PCDH9: variants seen among roughly 807,000 people sequenced by gnomAD.
PCDH9 encodes the protein protocadherin 9, also known as protocadherin-9.
In PCDH9, 24 loss-of-function variants were observed where a neutral mutation model predicts 70.6. That is an observed-to-expected ratio of 0.34 (90% CI 0.25 to 0.48). PCDH9 has a LOEUF of 0.48. Ranked by LOEUF, PCDH9 falls within the 20% of genes least tolerant of loss-of-function variation. The pLI, the probability that PCDH9 is intolerant of heterozygous loss-of-function variation, is 0.99. For synonymous variants in PCDH9, 562 were observed against 558.5 expected (o/e 1.01, Z -0.09); for missense variants, 1,281 against 1,503.6 (o/e 0.85, Z 2.45).
Position 67,228,263 on chromosome 13 carries a change from C to T in PCDH9, c.178G>A (p.Ala60Thr), listed in dbSNP as rs576031337. The T allele has an allele frequency of 1.0e-4, 165 of 1,613,552 alleles. 1 individual carries two copies. The South Asian group carries it at 1.6e-3, about 15-fold the overall frequency. Reference protein sequence around the residue: ...SHINAATGTSASLVYRLVSKA... With the variant: ...SHINAATGTSTSLVYRLVSKA... The stretch of plus-strand genomic sequence containing the variant: ...GAAACCAGTCTGTAGACAAGGCTGG[C>T]GCTGGTCCCTGTGGCAGCATTGATG... Residue 60 changes from alanine (A) to threonine (T), a missense_variant, in exon 2 of 5, where the codon GCC becomes ACC. Transcript: ENST00000377865.
At chr13:67,030,173 C>T (rs567739951) in intron 2 of PCDH9, among the ~76,000 whole-genome samples, 18 of 152,210 alleles carry the variant, frequency 1.2e-4, no homozygotes, top group Non-Finnish European at 2.4e-4. Context: ...CACCACCTCC[C>T]GGGTTCAAGC....
chr13:67,170,750 C>T (rs994236058), intron 2 of PCDH9, among the ~76,000 whole-genome samples: 5 of 152,052 alleles, frequency 3.3e-5, no homozygotes, highest in African/African-American at 4.8e-5. Context: ...CATGGTGAAA[C>T]CCTGCCGCTA....
chr13:67,156,055 C>T (rs1008589395), intron 2 of PCDH9, among the ~76,000 whole-genome samples: 64 of 152,060 alleles, frequency 4.2e-4, no homozygotes, highest in African/African-American at 1.5e-3. Flanking sequence ...AAGGCAAGAC[C>T]ATGGTCCCTT....
At chr13:66,970,391 G>A (rs1312269850) in intron 2 of PCDH9, among the ~76,000 whole-genome samples, 1 of 151,730 alleles carries the variant, frequency 6.6e-6, no homozygotes, top group African/African-American at 2.4e-5. Context: ...AACTCTGGGG[G>A]GCCAAGGAGG....
chr13:67,026,520 C>G lies in PCDH9; in HGVS notation c.3037-122915G>C, dbSNP rs556855263. Reference sequence around the variant, plus strand: ...AACTGGCATCAGACAGGGATGCCCTCCCTCACCACTCCTATTCAACATAGT... The same window carrying G: ...AACTGGCATCAGACAGGGATGCCCTGCCTCACCACTCCTATTCAACATAGT... On this transcript the variant is annotated intron_variant, in intron 2 of 4. Transcript: ENST00000377865. 3.3e-5 allele frequency among the ~76,000 whole-genome samples: 5 copies of G among 152,164 alleles called. No homozygotes were observed. In the South Asian group the frequency reaches 8.3e-4, roughly 25 times the overall value.
chr13:67,046,286 T>C (rs904817994), intron 2 of PCDH9, among the ~76,000 whole-genome samples: 2 of 152,292 alleles, frequency 1.3e-5, no homozygotes, highest in African/African-American at 4.8e-5. Flanking sequence ...TTAAGTGATA[T>C]AGCCTAAGAC....
At chr13:66,678,708 AC>A (rs2078276966) in intron 3 of PCDH9, among the ~76,000 whole-genome samples, 1 of 151,980 alleles carries the variant, frequency 6.6e-6, no homozygotes, top group Admixed American at 6.6e-5. Flanking sequence ...ATCTTGGCAA[AC>A]TTGCTAAAAA....
chr13:66,483,480 C>A (rs963699496), intron 4 of PCDH9, among the ~76,000 whole-genome samples: 1 of 152,176 alleles, frequency 6.6e-6, no homozygotes, highest in African/African-American at 2.4e-5. Context: ...AACTTGGAGA[C>A]ATGAAGTGAG....
At chr13:66,477,317 A>G (rs1958749588) in intron 4 of PCDH9, among the ~76,000 whole-genome samples, 1 of 152,154 alleles carries the variant, frequency 6.6e-6, no homozygotes, top group Admixed American at 6.5e-5. Flanking sequence ...AATAATATCT[A>G]ATTAATACGA....
At chr13:66,965,371 A>T (rs1329856371) in intron 2 of PCDH9, among the ~76,000 whole-genome samples, 1 of 152,070 alleles carries the variant, frequency 6.6e-6, no homozygotes, top group Non-Finnish European at 1.5e-5. Flanking sequence ...TCCTTCCTCC[A>T]GGCATTTCCC....
chr13:66,619,822 G>T (rs74095605), intron 4 of PCDH9, among the ~76,000 whole-genome samples: 11,437 of 151,802 alleles, frequency 0.075, 490 homozygotes, highest in South Asian at 0.13. Context: ...TTTGATCTTT[G>T]CTCCCATCCT....
chr13:67,149,936 C>G (rs9541017), intron 2 of PCDH9, among the ~76,000 whole-genome samples: 30,000 of 152,148 alleles, frequency 0.2, 3,531 homozygotes, highest in Non-Finnish European at 0.25. Flanking sequence ...GGTATTGATA[C>G]TCACTTTTGA....
chr13:66,878,830 G>A (rs1182584319), intron 3 of PCDH9, among the ~76,000 whole-genome samples: 2 of 152,128 alleles, frequency 1.3e-5, no homozygotes, highest in Admixed American at 1.3e-4. Context: ...AGATCAGAAG[G>A]TAAAGGATGT....
intron 3 of PCDH9, among the ~76,000 whole-genome samples, chr13:66,734,539 C>T (rs17081673): frequency 0.28 from 42,529 of 151,960 alleles, 6,478 homozygotes; most frequent in East Asian, 0.44. Flanking sequence ...ACGACTGTGT[C>T]CTCAGATTTT....
intron 3 of PCDH9, among the ~76,000 whole-genome samples, chr13:66,653,073 C>G (rs551373581): frequency 2.0e-5 from 3 of 152,280 alleles, no homozygotes; most frequent in Non-Finnish European, 2.9e-5. Flanking sequence ...CTCTGCTGGA[C>G]AGTGGTATGG....
intron 3 of PCDH9, among the ~76,000 whole-genome samples, chr13:66,753,256 C>T (rs1364088474): frequency 1.3e-5 from 2 of 151,996 alleles, no homozygotes; most frequent in Non-Finnish European, 2.9e-5. Flanking sequence ...CAACATAACA[C>T]AACGTTATAG....
At chr13:66,922,004 G>C (rs1213123317) in intron 2 of PCDH9, among the ~76,000 whole-genome samples, 1 of 151,208 alleles carries the variant, frequency 6.6e-6, no homozygotes, top group African/African-American at 2.4e-5. Context: ...TGAAAACTTT[G>C]TCAACTATTC....
At chr13:66,419,891 C>G (rs982213009) in intron 4 of PCDH9, among the ~76,000 whole-genome samples, 6 of 152,172 alleles carry the variant, frequency 3.9e-5, no homozygotes, top group South Asian at 2.1e-4. Context: ...GATCCCACCC[C>G]CTATGGAACC....
chr13:67,195,150 CTT>C (rs11427310), intron 2 of PCDH9, among the ~76,000 whole-genome samples: 8 of 144,806 alleles, frequency 5.5e-5, no homozygotes, highest in Middle Eastern at 3.3e-3. Context: ...TTCATACTTT[CTT>C]TTTTTTTTTT....
Sources: allele counts gnomAD v4.1 joint callset (sites outside exome capture counted in the v4.1 genomes callset), GRCh38; gene constraint gnomAD v4.1.1; transcripts MANE v1.5; gene names NCBI Gene and HGNC (gene_info 2026-07-23, HGNC 2026-07-21).